SANBR: variants seen among roughly 807,000 people sequenced by gnomAD.
SANBR encodes the protein SANT and BTB domain regulator of CSR.
SANBR carries 77 observed loss-of-function variants against 101.8 expected under a neutral mutation model. The ratio of observed to expected loss-of-function variants is 0.76; its 90% CI spans 0.63 to 0.91. The LOEUF is 0.91. SANBR is among the 40% of genes least tolerant of loss of function. The probability of loss-of-function intolerance (pLI) is 0.00; values close to 1 mark genes in which losing one functional copy is unlikely to be tolerated. For synonymous variants in SANBR, 279 were observed against 274.7 expected (o/e 1.02, Z -0.15); for missense variants, 875 against 853.0 (o/e 1.03, Z -0.32).
chr2:61,134,136 G>A lies in SANBR; in HGVS notation c.2029-1G>A. 4 of 1,614,026 alleles carry A rather than the reference G, an allele frequency of 2.5e-6. No individual in the cohort carries two copies. Among genetic ancestry groups the A allele is most frequent in the Non-Finnish European group, 3.4e-6 (4 of 1,179,982 alleles). On this transcript the variant is annotated splice_acceptor_variant, in intron 20 of 21. Coordinates refer to the SANBR transcript ENST00000295031. LOFTEE classifies it high-confidence loss of function. ...TAGTGTTATTATCTGCTTTTTTACA[G>A]ACAGACAAACTGAGACCCAGAGACG...
chr2:61,129,116 T>C (rs967921597), downstream of SANBR, among the ~76,000 whole-genome samples: 2 of 152,162 alleles, frequency 1.3e-5, no homozygotes, highest in African/African-American at 4.8e-5. Flanking sequence ...AATTCATTGC[T>C]AGCAGACCCA....
chr2:61,092,118 A>G (rs573325107), intron 10 of SANBR, among the ~76,000 whole-genome samples: 1 of 152,352 alleles, frequency 6.6e-6, no homozygotes, highest in South Asian at 2.1e-4. Flanking sequence ...TGTTCAAACT[A>G]TATTTAATTT....
At chr2:61,066,665 T>A (rs1444580484) in intron 1 of SANBR, among the ~76,000 whole-genome samples, 1 of 152,214 alleles carries the variant, frequency 6.6e-6, no homozygotes, top group Non-Finnish European at 1.5e-5. Context: ...GCCCCCTCTC[T>A]TCCCATCTTT....
At chr2:61,118,350 T>C (rs1485530025) in intron 20 of SANBR, among the ~76,000 whole-genome samples, 1 of 152,068 alleles carries the variant, frequency 6.6e-6, no homozygotes, top group East Asian at 1.9e-4. Flanking sequence ...CAAGCAATTC[T>C]CCTCCCTCAG....
chr2:61,110,697 AC>A (rs1683790001), intron 16 of SANBR, among the ~76,000 whole-genome samples: 1 of 151,734 alleles, frequency 6.6e-6, no homozygotes, highest in African/African-American at 2.4e-5. Context: ...AAAATACAAA[AC>A]TTAGCTGGGC....
chr2:61,067,233 T>A (rs895256710), intron 1 of SANBR, among the ~76,000 whole-genome samples: 1 of 152,232 alleles, frequency 6.6e-6, no homozygotes, highest in East Asian at 1.9e-4. Flanking sequence ...AAAACTTTTT[T>A]CTCATTTGGA....
At chr2:61,100,740 A>G (rs1683243420) in intron 12 of SANBR, among the ~76,000 whole-genome samples, 1 of 152,316 alleles carries the variant, frequency 6.6e-6, no homozygotes, top group South Asian at 2.1e-4. Flanking sequence ...GGAGTATGGA[A>G]GGTTTGAAAT....
intron 8 of SANBR, among the ~76,000 whole-genome samples, chr2:61,083,684 A>G (rs1573606041): frequency 6.6e-6 from 1 of 152,098 alleles, no homozygotes; most frequent in East Asian, 1.9e-4. Flanking sequence ...CCTGGCTAAC[A>G]TGGTGAAACC....
chr2:61,069,557 TCC>T (rs1681351418), intron 2 of SANBR: 5 of 152,342 alleles, frequency 3.3e-5, no homozygotes, highest in Non-Finnish European at 7.3e-5. Context: ...GAGATTGTAT[TCC>T]CAACCCAGAA....
chr2:61,071,778 CA>C lies in SANBR; in HGVS notation c.324del (p.Val109PhefsTer9), dbSNP rs757597329. 1 of 1,597,252 alleles carries C rather than the reference CA, an allele frequency of 6.3e-7. No homozygotes were observed. The highest frequency in any genetic ancestry group is 8.5e-7 in the Non-Finnish European group (1 of 1,174,364). On this transcript the variant is annotated frameshift_variant, in exon 4 of 22. Transcript: ENST00000402291. LOFTEE classifies it high-confidence loss of function. ...CAGGAGACTCCAGTTGGACATGATG[CA>C]GTTTCCAAAACTGGTAAGGTTTTAA... ...EFQETPVGHD[A>X]VSKTGRHSIA...
intron 12 of SANBR, among the ~76,000 whole-genome samples, chr2:61,099,397 A>G (rs914671660): frequency 9.2e-5 from 14 of 152,220 alleles, no homozygotes; most frequent in African/African-American, 2.9e-4. Flanking sequence ...AACTGAAATT[A>G]CCTGACAGAT....
Position 61,122,321 on chromosome 2 carries a change from G to A in SANBR, c.*159G>A. Reference sequence around the variant, plus strand: ...AATTCTAAAAGAAATGCATAGTTAGGTTTTATGAAAATCTAATTGTAAATA... The same window carrying A: ...AATTCTAAAAGAAATGCATAGTTAGATTTTATGAAAATCTAATTGTAAATA... On this transcript the variant is annotated 3_prime_UTR_variant, in exon 22 of 22. Coordinates refer to ENST00000402291, the MANE Select transcript of SANBR (RefSeq NM_001129993.3). The A allele has an allele frequency of 8.2e-7, 1 of 1,225,906 alleles. No homozygotes were observed. Among genetic ancestry groups the A allele is most frequent in the Non-Finnish European group, 1.1e-6 (1 of 949,090 alleles). The allele number at this position is 1,225,906 out of a possible 1,614,324, so 75.9% of individuals were successfully genotyped here.
chr2:61,118,076 T>C lies in SANBR; in HGVS notation c.1988T>C (p.Leu663Ser). 6.2e-7 allele frequency: 1 copy of C among 1,613,818 alleles called. No individual in the cohort carries two copies. The highest frequency in any genetic ancestry group is 8.5e-7 in the Non-Finnish European group (1 of 1,179,826). Residue 663 changes from leucine (L) to serine (S), a missense_variant, in exon 20 of 22, where the codon TTG becomes TCG. Coordinates refer to ENST00000402291, the MANE Select transcript of SANBR (RefSeq NM_001129993.3). Reference protein sequence around the residue: ...EITGHLIKMRLGDLDRVKSKE... With the variant: ...EITGHLIKMRSGDLDRVKSKE... ...ACAGGGCACCTAATAAAAATGAGAT[T>C]GGGGGATCTGGACCGAGTCAAGTCA... is the stretch of plus-strand genomic sequence containing the variant.
Position 61,071,697 on chromosome 2 carries a change from T to A in SANBR, c.242T>A (p.Val81Asp), listed in dbSNP as rs1681481246. 1 of 1,607,550 alleles carries A rather than the reference T, an allele frequency of 6.2e-7. No individual in the cohort carries two copies. The highest frequency in any genetic ancestry group is 8.5e-7 in the Non-Finnish European group (1 of 1,177,660). ...NSLMAAGESP[V>D]ETLATYIKSS... The stretch of plus-strand genomic sequence containing the variant: ...CTAATGGCTGCTGGAGAGAGTCCTG[T>A]TGAAACTTTAGCCACATATATCAAA... Residue 81 changes from valine to aspartate, a missense_variant, in exon 4 of 22, where the codon GTT (valine) becomes GAT (aspartate). Val to Asp is a radical substitution (Grantham distance 152). Transcript: ENST00000402291.
chr2:61,067,834 G>C (rs1014400984), intron 1 of SANBR, among the ~76,000 whole-genome samples: 3 of 152,240 alleles, frequency 2.0e-5, no homozygotes, highest in Non-Finnish European at 4.4e-5. Flanking sequence ...AACAAGTAGA[G>C]ATCAGTGCTT....
intron 17 of SANBR, 88 bp from the exon 18 acceptor site, chr2:61,117,265 CTCAG>C (rs1684118422): frequency 9.2e-6 from 11 of 1,195,390 alleles, no homozygotes; most frequent in Non-Finnish European, 1.4e-5. Flanking sequence ...TGTCTTCACA[CTCAG>C]TAAGAGTGAA....
At position 61,101,474 on chromosome 2, in the gene SANBR, C is replaced by A. The variant is rs190466327; in HGVS notation, c.1366-2379C>A. Among the ~76,000 whole-genome samples, 14 of 152,346 alleles carry A rather than the reference C, an allele frequency of 9.2e-5. No individual in the cohort carries two copies. The East Asian group carries it at 2.5e-3, about 27-fold the overall frequency. On this transcript the variant is annotated intron_variant, in intron 12 of 21. Coordinates refer to ENST00000402291, the MANE Select transcript of SANBR (RefSeq NM_001129993.3). The stretch of plus-strand genomic sequence containing the variant: ...ATTGGCTGGGCGCTGTGGCTCACGC[C>A]TGTAATCCCAGCACTTTGGGAGGCT...
intron 20 of SANBR, among the ~76,000 whole-genome samples, chr2:61,120,701 G>A (rs914168827): frequency 1.1e-4 from 16 of 152,188 alleles, no homozygotes; most frequent in African/African-American, 2.9e-4. Context: ...CTCCAGCCTG[G>A]CTGACAGAGT....
intron 12 of SANBR, among the ~76,000 whole-genome samples, chr2:61,102,829 C>T (rs575477542): frequency 7.9e-5 from 12 of 151,972 alleles, no homozygotes; most frequent in African/African-American, 2.9e-4. Flanking sequence ...TGAGCCACCA[C>T]GCCGAGCCAG....
Sources: gnomAD v4.1 joint callset for allele counts (sites outside exome capture counted in the v4.1 genomes callset) on GRCh38, gnomAD v4.1.1 for gene constraint, MANE v1.5 for transcripts, NCBI Gene and HGNC (gene_info 2026-07-23, HGNC 2026-07-21) for gene names.